The following FILIP1L variants were observed in gnomAD, a reference collection of about 807,000 sequenced individuals.
FILIP1L encodes filamin A-interacting protein 1-like.
Under a neutral mutation model 96.6 loss-of-function variants are expected in FILIP1L, and 55 were observed. The ratio of observed to expected loss-of-function variants is 0.57; its 90% CI spans 0.46 to 0.71. FILIP1L has a LOEUF of 0.71. Among genes scored for constraint, FILIP1L ranks in the 30% least tolerant of loss-of-function variants. The probability of loss-of-function intolerance (pLI) is 0.00; values close to 1 mark genes in which losing one functional copy is unlikely to be tolerated. For missense variants in FILIP1L, 1,304 were observed against 1,321.2 expected, an observed-to-expected ratio of 0.99 and a Z score of 0.20; for synonymous variants, 467 against 473.9, an observed-to-expected ratio of 0.99 and a Z score of 0.19.
At chr3:99,865,005 T>C (rs938200723) in intron 4 of FILIP1L, among the ~76,000 whole-genome samples, 7 of 152,226 alleles carry the variant, frequency 4.6e-5, no homozygotes, top group African/African-American at 1.7e-4. Flanking sequence ...TGGTACTTAA[T>C]TGGTATTCAA....
chr3:99,966,217 C>G (rs1468075088), intron 1 of FILIP1L, among the ~76,000 whole-genome samples: 1 of 152,050 alleles, frequency 6.6e-6, no homozygotes, highest in African/African-American at 2.4e-5. Context: ...GGGAAGGAAC[C>G]TAAGCAGGCT....
At chr3:100,033,224 G>C (rs28714363) in intron 1 of FILIP1L, among the ~76,000 whole-genome samples, 1 of 152,032 alleles carries the variant, frequency 6.6e-6, no homozygotes, top group Admixed American at 6.6e-5. Context: ...TGTAACATTT[G>C]TGGTTTATGT....
chr3:100,051,588 T>C (rs1352100509), intron 1 of FILIP1L, among the ~76,000 whole-genome samples: 2 of 144,314 alleles, frequency 1.4e-5, no homozygotes, highest in Admixed American at 1.4e-4. Flanking sequence ...TTCCCACCTA[T>C]GAGTGAGAAC....
At chr3:99,851,284 T>C (rs879741794) in intron 4 of FILIP1L, among the ~76,000 whole-genome samples, 19 of 152,228 alleles carry the variant, frequency 1.2e-4, no homozygotes, top group Admixed American at 1.2e-3. Context: ...CAGTAACAGC[T>C]GCATTTCACC....
chr3:99,912,467 C>T (rs1372625356), intron 4 of FILIP1L, among the ~76,000 whole-genome samples: 2 of 152,134 alleles, frequency 1.3e-5, no homozygotes, highest in East Asian at 3.9e-4. Context: ...GCCTTGACCT[C>T]CCTGGACTCA....
chr3:99,979,731 T>C (rs1326145559), intron 1 of FILIP1L, among the ~76,000 whole-genome samples: 1 of 152,248 alleles, frequency 6.6e-6, no homozygotes, highest in Non-Finnish European at 1.5e-5. Flanking sequence ...GGAATAATGA[T>C]AATATTCATG....
intron 5 of FILIP1L, among the ~76,000 whole-genome samples, chr3:99,833,974 G>A (rs146554014): frequency 6.6e-6 from 1 of 152,310 alleles, no homozygotes; most frequent in African/African-American, 2.4e-5. Context: ...AGAAGGAAAT[G>A]CTAAACTGAA....
chr3:99,879,917 T>C (rs1050299563), intron 4 of FILIP1L, among the ~76,000 whole-genome samples: 5 of 152,198 alleles, frequency 3.3e-5, no homozygotes, highest in African/African-American at 4.8e-5. Context: ...CCTGCATTGC[T>C]TCAGACTACA....
intron 1 of FILIP1L, among the ~76,000 whole-genome samples, chr3:99,952,081 A>G (rs1708192369): frequency 6.6e-6 from 1 of 152,128 alleles, no homozygotes; most frequent in Non-Finnish European, 1.5e-5. Flanking sequence ...CCAACTCTGA[A>G]GCTGTTAAAG....
intron 4 of FILIP1L, among the ~76,000 whole-genome samples, chr3:99,857,911 G>A (rs1944049678): frequency 6.6e-6 from 1 of 152,180 alleles, no homozygotes; most frequent in African/African-American, 2.4e-5. Context: ...AAACAACAAA[G>A]ACAATCATTA....
chr3:100,080,641 C>T (rs763965867), intron 1 of FILIP1L, among the ~76,000 whole-genome samples: 15 of 152,110 alleles, frequency 9.9e-5, no homozygotes, highest in Non-Finnish European at 1.3e-4. Flanking sequence ...TCTGTTCTCC[C>T]GATAGCAAGA....
intron 1 of FILIP1L, among the ~76,000 whole-genome samples, chr3:100,000,293 C>T (rs560484183): frequency 6.6e-6 from 1 of 152,326 alleles, no homozygotes; most frequent in South Asian, 2.1e-4. Flanking sequence ...CCTCTATCAC[C>T]TTGTCCCTCA....
rs374700618 is a variant in FILIP1L at position 100,114,494 on chromosome 3, C to CTG, written c.-454_-453dup. Reference sequence around the variant, plus strand: ...GCAGGCACAGGCTCCGTGAGCACGTCTGTGTGTGTGTGTGTGTGTCTGTGT... The same window carrying CTG: ...GCAGGCACAGGCTCCGTGAGCACGTCTGTGTGTGTGTGTGTGTGTGTCTGTGT... On this transcript the variant is annotated 5_prime_UTR_variant, in exon 1 of 6. Transcript: ENST00000477258. 1,390 of 153,828 alleles carry CTG rather than the reference C, an allele frequency of 9.0e-3. 14 individuals carry two copies. Among genetic ancestry groups the CTG allele is most frequent in the Middle Eastern group, 0.03 (9 of 304 alleles). The allele number at this position is 153,828 out of a possible 1,614,324, so 9.5% of individuals were successfully genotyped here.
Position 99,849,416 on chromosome 3 carries a change from C to T in FILIP1L, c.2260G>A (p.Glu754Lys), listed in dbSNP as rs1943543751. ...SVLQKKLNQQENRNRDLGREI... is the reference protein window; with the variant it reads ...SVLQKKLNQQKNRNRDLGREI... ...CTTCCTAAATCTCTGTTCCTGTTTTCTTGTTGATTTAGTTTTTTTTGCAGG... is the reference window on the plus strand; with the variant it reads ...CTTCCTAAATCTCTGTTCCTGTTTTTTTGTTGATTTAGTTTTTTTTGCAGG... The change falls in exon 5 of 6, where the codon GAA becomes AAA. Residue 754 changes from glutamate to lysine, a missense_variant. Transcript: ENST00000477258. 6.2e-7 allele frequency: 1 copy of T among 1,614,142 alleles called. No homozygotes were observed.
At chr3:100,090,502 C>A (rs530963230) in intron 1 of FILIP1L, among the ~76,000 whole-genome samples, 1 of 152,146 alleles carries the variant, frequency 6.6e-6, no homozygotes, top group South Asian at 2.1e-4. Context: ...CAAAACCAGG[C>A]GACAGAGATG....
intron 1 of FILIP1L, among the ~76,000 whole-genome samples, chr3:100,076,196 A>G (rs915172968): frequency 6.6e-5 from 10 of 152,120 alleles, no homozygotes; most frequent in African/African-American, 1.4e-4. Flanking sequence ...AGAGTTAAGT[A>G]CCTCTTTTTG....
chr3:99,993,150 T>G (rs1444491955), intron 1 of FILIP1L, among the ~76,000 whole-genome samples: 11 of 152,122 alleles, frequency 7.2e-5, no homozygotes, highest in Non-Finnish European at 1.3e-4. Flanking sequence ...TGAGCTTTTT[T>G]TGGGTTTCAT....
intron 1 of FILIP1L, among the ~76,000 whole-genome samples, chr3:99,974,436 G>T (rs542990506): frequency 6.6e-6 from 1 of 152,170 alleles, no homozygotes; most frequent in African/African-American, 2.4e-5. Flanking sequence ...TGGGCTGGGC[G>T]CAGTGGCTCA....
At chr3:99,952,987 A>T (rs1194903216) in intron 1 of FILIP1L, among the ~76,000 whole-genome samples, 2 of 152,156 alleles carry the variant, frequency 1.3e-5, no homozygotes, top group African/African-American at 4.8e-5. Context: ...TTGTCACTGA[A>T]CTGAGTGGTC....
Sources: gnomAD v4.1 joint callset for allele counts (sites outside exome capture counted in the v4.1 genomes callset) on GRCh38, gnomAD v4.1.1 for gene constraint, MANE v1.5 for transcripts, NCBI Gene and HGNC (gene_info 2026-07-23, HGNC 2026-07-21) for gene names.